PLEKHD1: variants seen among roughly 807,000 people sequenced by gnomAD.
PLEKHD1 encodes pleckstrin homology domain-containing family D member 1.
PLEKHD1 carries 51 observed loss-of-function variants against 69.2 expected under a neutral mutation model. The ratio of observed to expected loss-of-function variants is 0.74; its 90% confidence interval spans 0.59 to 0.93. The LOEUF is 0.93. Ranked by LOEUF, PLEKHD1 falls within the 40% of genes least tolerant of loss-of-function variation. The probability of loss-of-function intolerance (pLI) is 0.00; values close to 1 mark genes in which losing one functional copy is unlikely to be tolerated. For missense variants in PLEKHD1, 584 were observed against 641.0 expected, an observed-to-expected ratio of 0.91 and a Z score of 0.96; for synonymous variants, 236 against 244.7, an observed-to-expected ratio of 0.96 and a Z score of 0.33.
chr14:69,497,951 C>A (rs909074365), intron 1 of PLEKHD1, among the ~76,000 whole-genome samples: 4 of 152,180 alleles, frequency 2.6e-5, no homozygotes, highest in South Asian at 2.1e-4. Context: ...CTTTGAGAGG[C>A]CGAGGCAGGA....
At chr14:69,502,697 C>A in intron 5 of PLEKHD1, 130 bp from the exon 6 acceptor site, 2 of 1,172,650 alleles carry the variant, frequency 1.7e-6, no homozygotes, top group South Asian at 1.4e-5. Flanking sequence ...CTCTGGCTGG[C>A]AGGGCTGCAG....
intron 11 of PLEKHD1, 65 bp downstream of exon 11, chr14:69,527,397 CT>C: frequency 1.9e-6 from 3 of 1,544,802 alleles, no homozygotes; most frequent in Non-Finnish European, 2.6e-6. Context: ...GATCCCGGCC[CT>C]GTAGAGCCAG....
chr14:69,500,460 G>C, intron 2 of PLEKHD1, 117 bp from the exon 3 acceptor site: 1 of 820,774 alleles, frequency 1.2e-6, no homozygotes, highest in Non-Finnish European at 1.9e-6. Flanking sequence ...ATGGCCCCAG[G>C]GTCTAGCTTC....
chr14:69,502,386 A>G, intron 5 of PLEKHD1: 1 of 231,936 alleles, frequency 4.3e-6, no homozygotes, highest in Non-Finnish European at 8.6e-6. Context: ...AGAAGATGAG[A>G]CTGAGGGTTT....
chr14:69,498,429 C>T (rs1882939342), intron 1 of PLEKHD1, among the ~76,000 whole-genome samples: 1 of 152,076 alleles, frequency 6.6e-6, no homozygotes, highest in Non-Finnish European at 1.5e-5. Flanking sequence ...GCTCACACCA[C>T]AGCACAGAGC....
intron 1 of PLEKHD1, among the ~76,000 whole-genome samples, chr14:69,485,427 G>A (rs559485860): frequency 6.6e-6 from 1 of 152,328 alleles, no homozygotes; most frequent in East Asian, 1.9e-4. Context: ...GATCAGGCCA[G>A]ACTGAGGGGA....
intron 1 of PLEKHD1, among the ~76,000 whole-genome samples, chr14:69,489,322 T>C (rs527439759): frequency 1.3e-5 from 2 of 151,488 alleles, no homozygotes; most frequent in South Asian, 4.2e-4. Context: ...ACTTTGGGAG[T>C]CCAAGGTGGG....
intron 9 of PLEKHD1, 75 bp downstream of exon 9, chr14:69,526,197 C>T: frequency 7.0e-7 from 1 of 1,431,146 alleles, no homozygotes; most frequent in South Asian, 1.5e-5. Flanking sequence ...GACATCCAGA[C>T]TCTTGGGTTC....
chr14:69,515,088 C>T (rs1883354408), intron 6 of PLEKHD1, among the ~76,000 whole-genome samples: 1 of 152,170 alleles, frequency 6.6e-6, no homozygotes, highest in Admixed American at 6.6e-5. Flanking sequence ...GTCCCAGCTA[C>T]ATGGAAGGCT....
intron 6 of PLEKHD1, among the ~76,000 whole-genome samples, chr14:69,504,137 T>C (rs987767426): frequency 2.0e-5 from 3 of 152,374 alleles, no homozygotes; most frequent in African/African-American, 7.2e-5. Flanking sequence ...AGATGTTCCA[T>C]ATAAAGTGTT....
intron 6 of PLEKHD1, 85 bp from the exon 7 acceptor site, chr14:69,522,198 G>T: frequency 7.9e-7 from 1 of 1,273,676 alleles, no homozygotes; most frequent in Non-Finnish European, 1.1e-6. Context: ...AAATCCCAGA[G>T]GGTCCCTTGG....
intron 1 of PLEKHD1, among the ~76,000 whole-genome samples, chr14:69,490,512 G>A (rs1407843234): frequency 6.6e-6 from 1 of 152,208 alleles, no homozygotes; most frequent in Non-Finnish European, 1.5e-5. Context: ...GGGCCCAGGG[G>A]TTGAAGACTC....
At chr14:69,510,110 A>T (rs540566482) in intron 6 of PLEKHD1, among the ~76,000 whole-genome samples, 2 of 152,190 alleles carry the variant, frequency 1.3e-5, no homozygotes, top group Non-Finnish European at 1.5e-5. Context: ...GTAGCTTTAT[A>T]GTAAGTCTTA....
rs901028396 is a variant in PLEKHD1 at position 69,529,502 on chromosome 14, A to G, written c.*1083A>G. ...GAGGTTGAGGCTGCAGTGAGCTGAG[A>G]TTGTGCCACTGCACTCCAGCCAGGG... On this transcript the variant is annotated 3_prime_UTR_variant, in exon 13 of 13. Coordinates refer to ENST00000322564, the MANE Select transcript of PLEKHD1 (RefSeq NM_001161498.2). The G allele has an allele frequency of 3.9e-5, 6 of 153,232 alleles. No individual in the cohort carries two copies. Among genetic ancestry groups the G allele is most frequent in the African/African-American group, 1.4e-4 (6 of 41,452 alleles). The allele number at this position is 153,232 out of a possible 1,614,324, so 9.5% of individuals were successfully genotyped here. A position where few individuals can be genotyped will look rare whatever the true frequency, so the allele number is the denominator to read the frequency against.
intron 10 of PLEKHD1, 141 bp from the exon 11 acceptor site, chr14:69,527,047 A>G: frequency 1.6e-6 from 2 of 1,227,440 alleles, no homozygotes; most frequent in South Asian, 1.6e-5. Context: ...CATCTGGTTC[A>G]AAGGGTAAGA....
chr14:69,528,367 T>C lies in PLEKHD1; in HGVS notation c.1469T>C (p.Ile490Thr). The C allele has an allele frequency of 6.4e-7, 1 of 1,551,516 alleles. No homozygotes were observed. Among genetic ancestry groups the C allele is most frequent in the Non-Finnish European group, 8.7e-7 (1 of 1,146,952 alleles). The change falls in exon 13 of 13, where the codon ATC (isoleucine) becomes ACC (threonine). Residue 490 changes from isoleucine (I) to threonine (T), a missense_variant. Coordinates refer to ENST00000322564, the MANE Select transcript of PLEKHD1 (RefSeq NM_001161498.2). ...CGCTTCCGGGAATCCATCTACCACA[T>C]CATGGCCACCCAGCCTGGAGCCCCC... ...DQRFRESIYHIMATQPGAPSA... is the reference protein window; with the variant it reads ...DQRFRESIYHTMATQPGAPSA...
intron 6 of PLEKHD1, among the ~76,000 whole-genome samples, chr14:69,508,146 C>T (rs182941408): frequency 1.2e-4 from 19 of 152,254 alleles, no homozygotes; most frequent in Admixed American, 9.2e-4. Context: ...TGGTGGCTCA[C>T]GCCTGTAATC....
Position 69,501,812 on chromosome 14 carries a change from G to A in PLEKHD1, c.489G>A (p.Lys163=). 3.9e-6 allele frequency: 6 copies of A among 1,551,276 alleles called. No homozygotes were observed. The highest frequency in any genetic ancestry group is 5.2e-6 in the Non-Finnish European group (6 of 1,146,678). Residue 163 remains lysine, a synonymous_variant, in exon 5 of 13, where the codon AAG becomes AAA. Transcript: ENST00000322564. The part of the protein sequence containing the change: ...EAQGLQLAKE[K]QEYLDKLMEE... ...AGGGGCTGCAGTTGGCTAAGGAAAA[G>A]CAGGAGTATTTAGGTTGGCTGGAGG...
chr14:69,522,212 A>G, intron 6 of PLEKHD1, 71 bp from the exon 7 acceptor site: 2 of 1,388,082 alleles, frequency 1.4e-6, no homozygotes, highest in Non-Finnish European at 2.0e-6. Context: ...CCCTTGGGAT[A>G]GAGTGGGGGA....
Sources: gnomAD v4.1 joint callset for allele counts (sites outside exome capture counted in the v4.1 genomes callset) on GRCh38, gnomAD v4.1.1 for gene constraint, MANE v1.5 for transcripts, NCBI Gene and HGNC (gene_info 2026-07-23, HGNC 2026-07-21) for gene names.